The following TRAM1L1 variants were observed in gnomAD, a reference collection of about 807,000 sequenced individuals.
TRAM1L1 encodes the protein translocation associated membrane protein 1 like 1, also known as translocating chain-associated membrane protein 1-like 1.
For synonymous variants in TRAM1L1, 189 were observed against 163.6 expected (o/e 1.16, Z -1.18); for missense variants, 451 against 439.9 (o/e 1.03, Z -0.23).
chr4:117,084,054 A>G lies in TRAM1L1; in HGVS notation c.*230T>C, dbSNP rs1007926107. On this transcript the variant is annotated 3_prime_UTR_variant, in exon 1 of 1. Transcript: ENST00000310754. ...ACAAAATATAGTGGTGATCCCCAAA[A>G]CTATTTTGACATTATTTTGACGATG... The G allele has an allele frequency of 4.3e-5, 19 of 440,112 alleles. No homozygotes were observed. The highest frequency in any genetic ancestry group is 3.9e-4 in the African/African-American group (19 of 49,158). The allele number at this position is 440,112 out of a possible 1,614,324, so 27.3% of individuals were successfully genotyped here. A position where few individuals can be genotyped will look rare whatever the true frequency, so the allele number is the denominator to read the frequency against.
In TRAM1L1 at chr4:117,085,025, A is replaced by C. The variant is rs1732424701; in HGVS notation, c.369T>G (p.Gly123=). The part of the protein sequence containing the change: ...KAKQNKFNES[G]QFSVFYFFSC... ...AAAAAAAGTAGAACACACTAAACTG[A>C]CCAGACTCGTTAAACTTGTTTTGTT... The change falls in exon 1 of 1, where the codon GGT becomes GGG. Residue 123 remains glycine (G), a synonymous_variant. Coordinates refer to ENST00000310754, the MANE Select transcript of TRAM1L1 (RefSeq NM_152402.3). 1 of 1,614,082 alleles carries C rather than the reference A, an allele frequency of 6.2e-7. No homozygotes were observed. The highest frequency in any genetic ancestry group is 8.5e-7 in the Non-Finnish European group (1 of 1,180,032).
chr4:117,084,178 A>C lies in TRAM1L1; in HGVS notation c.*106T>G. On this transcript the variant is annotated 3_prime_UTR_variant, in exon 1 of 1. Transcript: ENST00000310754. ...ATACATGAAACAGTTCAATAACAAA[A>C]ACCGAAGAGCACGAACTATTTTCAA... 2 of 1,189,724 alleles carry C rather than the reference A, an allele frequency of 1.7e-6. No homozygotes were observed. Among genetic ancestry groups the C allele is most frequent in the Admixed American group, 4.8e-5 (2 of 41,290 alleles). 73.7% of individuals were successfully genotyped at this position (1,189,724 alleles called of 1,614,324 possible). A position where few individuals can be genotyped will look rare whatever the true frequency, so the allele number is the denominator to read the frequency against.
rs1732408079 is a variant in TRAM1L1, at chr4:117,084,347, T to C, written c.1047A>G (p.Gly349=). The change falls in exon 1 of 1, where the codon GGA becomes GGG. Residue 349 remains glycine, a synonymous_variant. Coordinates refer to ENST00000310754, the MANE Select transcript of TRAM1L1 (RefSeq NM_152402.3). ...CTCTATTTGAAGTTTCCACTCCCACTCCGTTTTCTGTTCTTTTTTTAGAAG... is the reference window on the plus strand; with the variant it reads ...CTCTATTTGAAGTTTCCACTCCCACCCCGTTTTCTGTTCTTTTTTTAGAAG... ...SRSSKKRTEN[G]VGVETSNRVD... is the part of the protein sequence containing the mutation. 1.2e-6 allele frequency: 2 copies of C among 1,614,136 alleles called. No individual in the cohort carries two copies. The highest frequency in any genetic ancestry group is 1.3e-5 in the African/African-American group (1 of 75,036).
At position 117,084,207 on chromosome 4, in the gene TRAM1L1, C is replaced by T. The variant is rs940674461; in HGVS notation, c.*77G>A. 2.0e-5 allele frequency: 29 copies of T among 1,435,008 alleles called. No individual in the cohort carries two copies. Among genetic ancestry groups the T allele is most frequent in the Non-Finnish European group, 2.5e-5 (27 of 1,072,504 alleles). The allele number at this position is 1,435,008 out of a possible 1,614,324, so 88.9% of individuals were successfully genotyped here. A position where few individuals can be genotyped will look rare whatever the true frequency, so the allele number is the denominator to read the frequency against. On this transcript the variant is annotated 3_prime_UTR_variant, in exon 1 of 1. Coordinates refer to ENST00000310754, the MANE Select transcript of TRAM1L1 (RefSeq NM_152402.3). ...GAAGAGCACGAACTATTTTCAAAAA[C>T]AGAAAAATCTCTAGTGCAGAAAGAA...
Position 117,083,965 on chromosome 4 carries a change from T to C in TRAM1L1, c.*319A>G, listed in dbSNP as rs1404830316. On this transcript the variant is annotated 3_prime_UTR_variant, in exon 1 of 1. Coordinates refer to ENST00000310754, the MANE Select transcript of TRAM1L1 (RefSeq NM_152402.3). ...TGGGAGTAAGAACCAGTATCATTGA[T>C]ATGCAAAATTGTGCAGTTATCTCTG... The C allele has an allele frequency of 3.5e-5, 8 of 227,354 alleles. No homozygotes were observed. In the East Asian group the frequency reaches 8.4e-4, roughly 24 times the overall value. The allele number at this position is 227,354 out of a possible 1,614,324, so 14.1% of individuals were successfully genotyped here.
chr4:117,084,260 C>A lies in TRAM1L1; in HGVS notation c.*24G>T. On this transcript the variant is annotated 3_prime_UTR_variant, in exon 1 of 1. Transcript: ENST00000310754. ...CTCAAAGAGCAGATTCCTTTGCAGA[C>A]ATTAATCAATGCGCTTGCAAAGATT... 6.4e-7 allele frequency: 1 copy of A among 1,572,404 alleles called. No homozygotes were observed. The highest frequency in any genetic ancestry group is 1.2e-5 in the South Asian group (1 of 82,338).
Position 117,085,125 on chromosome 4 carries a change from G to C in TRAM1L1, c.269C>G (p.Ala90Gly), listed in dbSNP as rs1376516760. 9.9e-6 allele frequency: 16 copies of C among 1,613,936 alleles called. No homozygotes were observed. The highest frequency in any genetic ancestry group is 2.7e-5 in the African/African-American group (2 of 74,888). The change falls in exon 1 of 1, where the codon GCA (alanine) becomes GGA (glycine). Residue 90 changes from alanine (A) to glycine (G), a missense_variant. Physicochemically the swap from Ala to Gly is moderately conservative, Grantham distance 60. Transcript: ENST00000310754. ...LATVFFYMLV[A>G]IIIHATIQEY... ...CTGAATTGTGGCATGAATAATGATT[G>C]CCACCAGCATGTAGAAGAAAACCGT...
rs1467038645 is a variant in TRAM1L1 at position 117,083,637 on chromosome 4, T to C, written c.*647A>G. The C allele has an allele frequency of 6.6e-6, 1 of 152,530 alleles. No individual in the cohort carries two copies. Among genetic ancestry groups the C allele is most frequent in the Non-Finnish European group, 1.5e-5 (1 of 67,992 alleles). The allele number at this position is 152,530 out of a possible 1,614,324, so 9.4% of individuals were successfully genotyped here. The stretch of plus-strand genomic sequence containing the variant: ...AATGATTTTAATATTTTTATATTAA[T>C]TAATGATATTTTGATGCAATATATA... On this transcript the variant is annotated 3_prime_UTR_variant, in exon 1 of 1. Coordinates refer to ENST00000310754, the MANE Select transcript of TRAM1L1 (RefSeq NM_152402.3).
rs1352808478 is a variant in TRAM1L1 at position 117,085,286 on chromosome 4, CA to C, written c.107del (p.Leu36ArgfsTer105). On this transcript the variant is annotated frameshift_variant, in exon 1 of 1. Transcript: ENST00000310754. LOFTEE classifies it low-confidence loss of function (END_TRUNC). ...IVSCVGMFFL[L>X]GLVFEGTAEA... ...CTGCTGTTCCCTCGAACACAAGCCC[CA>C]GCAGGAAGAACATCCCCACGCAGGA... The C allele has an allele frequency of 1.2e-6, 2 of 1,614,084 alleles. No homozygotes were observed. Among genetic ancestry groups the C allele is most frequent in the Admixed American group, 3.3e-5 (2 of 60,016 alleles).
Position 117,085,569 on chromosome 4 carries a change from C to G in TRAM1L1, c.-176G>C. The G allele has an allele frequency of 1.2e-6, 1 of 830,884 alleles. No individual in the cohort carries two copies. Among genetic ancestry groups the G allele is most frequent in the Non-Finnish European group, 1.8e-6 (1 of 547,100 alleles). 51.5% of individuals were successfully genotyped at this position (830,884 alleles called of 1,614,324 possible). On this transcript the variant is annotated 5_prime_UTR_variant, in exon 1 of 1. Transcript: ENST00000310754. ...AATCAAAGGCGAGGGCCGAGCTGAG[C>G]TGAGCATGCGCACCAGGGGGACGGC...
At position 117,084,055 on chromosome 4, in the gene TRAM1L1, CTATTTTGACAT is replaced by C. The variant is rs1229778174; in HGVS notation, c.*218_*228del. ...CAAAATATAGTGGTGATCCCCAAAA[CTATTTTGACAT>C]TATTTTGACGATGAGTAATTTAGTC... is the stretch of plus-strand genomic sequence containing the variant. On this transcript the variant is annotated 3_prime_UTR_variant, in exon 1 of 1. Coordinates refer to ENST00000310754, the MANE Select transcript of TRAM1L1 (RefSeq NM_152402.3). The C allele has an allele frequency of 4.6e-6, 2 of 438,632 alleles. No homozygotes were observed. Among genetic ancestry groups the C allele is most frequent in the Non-Finnish European group, 8.0e-6 (2 of 250,790 alleles). 27.2% of individuals were successfully genotyped at this position (438,632 alleles called of 1,614,324 possible).
Position 117,083,941 on chromosome 4 carries a change from G to T in TRAM1L1, c.*343C>A. ...CTTGTTAGTATTATGAAACACTGGT[G>T]GGAGTAAGAACCAGTATCATTGATA... is the stretch of plus-strand genomic sequence containing the variant. On this transcript the variant is annotated 3_prime_UTR_variant, in exon 1 of 1. Transcript: ENST00000310754. 1 of 190,028 alleles carries T rather than the reference G, an allele frequency of 5.3e-6. No homozygotes were observed. 11.8% of individuals were successfully genotyped at this position (190,028 alleles called of 1,614,324 possible). A position where few individuals can be genotyped will look rare whatever the true frequency, so the allele number is the denominator to read the frequency against.
Position 117,084,075 on chromosome 4 carries a change from C to T in TRAM1L1, c.*209G>A, listed in dbSNP as rs1388457314. 1.3e-5 allele frequency: 6 copies of T among 457,162 alleles called. No individual in the cohort carries two copies. The highest frequency in any genetic ancestry group is 2.3e-5 in the Non-Finnish European group (6 of 263,062). The allele number at this position is 457,162 out of a possible 1,614,324, so 28.3% of individuals were successfully genotyped here. ...CAAAACTATTTTGACATTATTTTGA[C>T]GATGAGTAATTTAGTCTCAACCAAA... On this transcript the variant is annotated 3_prime_UTR_variant, in exon 1 of 1. Coordinates refer to ENST00000310754, the MANE Select transcript of TRAM1L1 (RefSeq NM_152402.3).
At position 117,085,192 on chromosome 4, in the gene TRAM1L1, C is replaced by T. The variant is rs562956350; in HGVS notation, c.202G>A (p.Gly68Ser). The T allele has an allele frequency of 6.2e-7, 1 of 1,613,922 alleles. No individual in the cohort carries two copies. The highest frequency in any genetic ancestry group is 8.5e-7 in the Non-Finnish European group (1 of 1,180,012). Residue 68 changes from glycine (G) to serine (S), a missense_variant, in exon 1 of 1, where the codon GGC (glycine) becomes AGC (serine). By Grantham distance (56) the Gly-to-Ser change is moderately conservative. Coordinates refer to ENST00000310754, the MANE Select transcript of TRAM1L1 (RefSeq NM_152402.3). ...AVPAAEEQATGSKSLYYYGVK... is the reference protein window; with the variant it reads ...AVPAAEEQATSSKSLYYYGVK... Reference sequence around the variant, plus strand: ...CCATAATAATAGAGGGACTTTGAGCCCGTGGCTTGTTCCTCTGCTGCAGGG... The same window carrying T: ...CCATAATAATAGAGGGACTTTGAGCTCGTGGCTTGTTCCTCTGCTGCAGGG...
In TRAM1L1 at chr4:117,084,039, G is replaced by A. The variant is rs1041353375; in HGVS notation, c.*245C>T. On this transcript the variant is annotated 3_prime_UTR_variant, in exon 1 of 1. Transcript: ENST00000310754. ...AGGTTAAAAATCAAAACAAAATATA[G>A]TGGTGATCCCCAAAACTATTTTGAC... is the stretch of plus-strand genomic sequence containing the variant. 3 of 421,162 alleles carry A rather than the reference G, an allele frequency of 7.1e-6. No homozygotes were observed. The highest frequency in any genetic ancestry group is 6.2e-5 in the African/African-American group (3 of 48,696). 26.1% of individuals were successfully genotyped at this position (421,162 alleles called of 1,614,324 possible).
chr4:117,084,730 G>A lies in TRAM1L1; in HGVS notation c.664C>T (p.Leu222Phe). 1 of 1,614,092 alleles carries A rather than the reference G, an allele frequency of 6.2e-7. No individual in the cohort carries two copies. The highest frequency in any genetic ancestry group is 8.5e-7 in the Non-Finnish European group (1 of 1,180,016). Residue 222 changes from leucine to phenylalanine, a missense_variant, in exon 1 of 1, where the codon CTT (leucine) becomes TTT (phenylalanine). Physicochemically the swap from Leu to Phe is conservative, Grantham distance 22. Coordinates refer to ENST00000310754, the MANE Select transcript of TRAM1L1 (RefSeq NM_152402.3). Reference sequence around the variant, plus strand: ...TCAACAAAATAATGCAGTACCAAAAGAAGAAGTCCCAAATGATTCAAGTAC... The same window carrying A: ...TCAACAAAATAATGCAGTACCAAAAAAAGAAGTCCCAAATGATTCAAGTAC... ...LLYLNHLGLL[L>F]LVLHYFVELL...
chr4:117,084,001 G>C lies in TRAM1L1; in HGVS notation c.*283C>G. 3.2e-6 allele frequency: 1 copy of C among 308,120 alleles called. No homozygotes were observed. Among genetic ancestry groups the C allele is most frequent in the Non-Finnish European group, 5.9e-6 (1 of 168,750 alleles). 19.1% of individuals were successfully genotyped at this position (308,120 alleles called of 1,614,324 possible). ...GTGCAGTTATCTCTGCAAATCATTAGGAAAATGTTGAAAGGTTAAAAATCA... is the reference window on the plus strand; with the variant it reads ...GTGCAGTTATCTCTGCAAATCATTACGAAAATGTTGAAAGGTTAAAAATCA... On this transcript the variant is annotated 3_prime_UTR_variant, in exon 1 of 1. Coordinates refer to ENST00000310754, the MANE Select transcript of TRAM1L1 (RefSeq NM_152402.3).
rs1732391954 is a variant in TRAM1L1, at chr4:117,083,769, G to A, written c.*515C>T. On this transcript the variant is annotated 3_prime_UTR_variant, in exon 1 of 1. Coordinates refer to ENST00000310754, the MANE Select transcript of TRAM1L1 (RefSeq NM_152402.3). ...AAAATAAAGAACATTTATTATTTTG[G>A]TGAGTCTAGCAATCTTTTCTGAGTT... 6.6e-6 allele frequency: 1 copy of A among 152,568 alleles called. No homozygotes were observed. Among genetic ancestry groups the A allele is most frequent in the Admixed American group, 6.6e-5 (1 of 15,254 alleles). The allele number at this position is 152,568 out of a possible 1,614,324, so 9.5% of individuals were successfully genotyped here.
In TRAM1L1 at chr4:117,084,458, T is replaced by C. The variant is rs199904946; in HGVS notation, c.936A>G (p.Thr312=). ...GAAGCCAGAGAGTAATTAAGTTCCA[T>C]GTTACGTAGGCTTGGATCGTGCAAC... The part of the protein sequence containing the change: ...SSSCTIQAYV[T]WNLITLWLQR... The change falls in exon 1 of 1, where the codon ACA becomes ACG. Residue 312 remains threonine (T), a synonymous_variant. Coordinates refer to ENST00000310754, the MANE Select transcript of TRAM1L1 (RefSeq NM_152402.3). 1.9e-6 allele frequency: 3 copies of C among 1,614,202 alleles called. No individual in the cohort carries two copies. Among genetic ancestry groups the C allele is most frequent in the South Asian group, 1.1e-5 (1 of 91,070 alleles).
Sources: gnomAD v4.1 joint callset for allele counts on GRCh38, gnomAD v4.1.1 for gene constraint, MANE v1.5 for transcripts, NCBI Gene and HGNC (gene_info 2026-07-23, HGNC 2026-07-21) for gene names.